MROH9: variants seen among roughly 807,000 people sequenced by gnomAD.
MROH9 encodes the protein maestro heat like repeat family member 9, also known as maestro heat-like repeat-containing protein family member 9.
A neutral mutation model predicts 98.2 loss-of-function variants in MROH9; 92 were observed. The ratio of observed to expected loss-of-function variants is 0.94; its 90% confidence interval spans 0.79 to 1.11. The LOEUF is 1.11. MROH9 is among the 50% of genes most tolerant of loss of function. MROH9 has a pLI of 0.00. For synonymous variants in MROH9, 397 were observed against 368.9 expected (o/e 1.08, Z -0.87); for missense variants, 1,057 against 1,014.8 (o/e 1.04, Z -0.57).
intron 20 of MROH9, among the ~76,000 whole-genome samples, chr1:171,026,011 C>T (rs554912004): frequency 5.9e-5 from 9 of 152,244 alleles, no homozygotes; most frequent in East Asian, 5.8e-4. Context: ...ACTTGGCAGT[C>T]GGATCTTCCC....
At chr1:170,965,374 G>A (rs1650194496) in intron 7 of MROH9, 119 bp downstream of exon 7, 3 of 627,620 alleles carry the variant, frequency 4.8e-6, no homozygotes, top group Non-Finnish European at 5.6e-6. Flanking sequence ...TGTACTGGTA[G>A]GTTGGTTGGG....
At chr1:171,013,647 G>A (rs1436292700) in intron 15 of MROH9, among the ~76,000 whole-genome samples, 1 of 152,094 alleles carries the variant, frequency 6.6e-6, no homozygotes, top group Non-Finnish European at 1.5e-5. Flanking sequence ...TATAGTATCA[G>A]TCTCTCTAGC....
intron 8 of MROH9, among the ~76,000 whole-genome samples, chr1:170,981,099 T>C (rs1285768247): frequency 6.6e-6 from 1 of 152,266 alleles, no homozygotes; most frequent in East Asian, 1.9e-4. Context: ...ATGGTGATTA[T>C]TCAAAAATCA....
At chr1:171,009,153 G>T (rs1301204151) in intron 15 of MROH9, among the ~76,000 whole-genome samples, 2 of 151,850 alleles carry the variant, frequency 1.3e-5, no homozygotes, top group Admixed American at 6.6e-5. Flanking sequence ...GGGTAGAATG[G>T]ATAGGGATGG....
At chr1:170,938,082 C>A (rs1648970253) in intron 1 of MROH9, among the ~76,000 whole-genome samples, 1 of 152,120 alleles carries the variant, frequency 6.6e-6, no homozygotes, top group South Asian at 2.1e-4. Context: ...GGAATAGTAG[C>A]CCAAGTTCTC....
At chr1:171,012,065 G>C (rs1652173624) in intron 15 of MROH9, among the ~76,000 whole-genome samples, 1 of 151,626 alleles carries the variant, frequency 6.6e-6, no homozygotes, top group African/African-American at 2.4e-5. Context: ...TCCAACTATA[G>C]TGTAAATATC....
At chr1:170,958,425 T>C in intron 3 of MROH9, 36 bp from the exon 4 acceptor site, 5 of 1,304,336 alleles carry the variant, frequency 3.8e-6, no homozygotes, top group South Asian at 2.7e-5. Context: ...AATCATTAAT[T>C]CTTCTTTTTT....
At chr1:171,059,841 G>C (rs891030941) in intron 20 of MROH9, among the ~76,000 whole-genome samples, 1 of 152,102 alleles carries the variant, frequency 6.6e-6, no homozygotes, top group African/African-American at 2.4e-5. Flanking sequence ...AGAACACATG[G>C]ACACAGGGAG....
intron 17 of MROH9, among the ~76,000 whole-genome samples, chr1:171,023,749 T>A (rs1403612602): frequency 2.0e-5 from 3 of 152,128 alleles, no homozygotes; most frequent in Non-Finnish European, 4.4e-5. Flanking sequence ...CTTTTTTGTG[T>A]GTGTGGTGAG....
chr1:170,955,750 T>A (rs1243665222), intron 3 of MROH9, among the ~76,000 whole-genome samples: 1 of 152,214 alleles, frequency 6.6e-6, no homozygotes, highest in Non-Finnish European at 1.5e-5. Context: ...GAAGATTTTC[T>A]CCCACTCTGT....
intron 12 of MROH9, among the ~76,000 whole-genome samples, chr1:170,993,851 T>C (rs1038552956): frequency 2.0e-5 from 3 of 152,190 alleles, no homozygotes; most frequent in African/African-American, 7.2e-5. Flanking sequence ...TTTTTATATG[T>C]TGAATTTTCT....
intron 8 of MROH9, among the ~76,000 whole-genome samples, chr1:170,972,201 T>G (rs1377945217): frequency 6.6e-6 from 1 of 152,124 alleles, no homozygotes; most frequent in South Asian, 2.1e-4. Flanking sequence ...AAAAATGCGG[T>G]ATTTTTTTCT....
chr1:171,026,210 C>A (rs113955151), intron 20 of MROH9, among the ~76,000 whole-genome samples: 1 of 151,396 alleles, frequency 6.6e-6, no homozygotes, highest in Admixed American at 6.6e-5. Flanking sequence ...CAGGCACGTG[C>A]GCGCACACAC....
chr1:170,957,958 G>A (rs976188699), intron 3 of MROH9, among the ~76,000 whole-genome samples: 6 of 151,990 alleles, frequency 3.9e-5, no homozygotes, highest in South Asian at 4.2e-4. Flanking sequence ...ACAGGCGCCC[G>A]CTACCACGCC....
rs71573033 is a variant in MROH9, at chr1:170,957,795, G to GT, written c.73-652dup. Among the ~76,000 whole-genome samples, 496 of 124,634 alleles carry GT rather than the reference G, an allele frequency of 4.0e-3. 3 individuals are homozygous for GT. Among genetic ancestry groups the GT allele is most frequent in the Admixed American group, 0.018 (213 of 12,038 alleles). The allele number at this position is 124,634 out of a possible 152,430, so 81.8% of individuals were successfully genotyped here. ...TAAGTTGCCCTGCTGGCATTTTTTT[G>GT]TTTTTTTTTTTTTTGTTTGTTTGTT... On this transcript the variant is annotated intron_variant, in intron 3 of 21. Coordinates refer to ENST00000367759, the MANE Select transcript of MROH9 (RefSeq NM_001163629.2).
chr1:171,039,440 C>A (rs1398281339), intron 20 of MROH9, among the ~76,000 whole-genome samples: 3 of 152,172 alleles, frequency 2.0e-5, no homozygotes, highest in Admixed American at 6.5e-5. Flanking sequence ...ATATCAGCTC[C>A]AAAATGTTTG....
intron 7 of MROH9, among the ~76,000 whole-genome samples, chr1:170,966,836 T>A (rs900866743): frequency 1.3e-5 from 2 of 152,064 alleles, no homozygotes; most frequent in African/African-American, 2.4e-5. Context: ...CATTGAAAAT[T>A]TTGCAAGTGA....
chr1:171,040,151 T>A (rs551091061), intron 20 of MROH9, among the ~76,000 whole-genome samples: 1 of 152,110 alleles, frequency 6.6e-6, no homozygotes, highest in African/African-American at 2.4e-5. Flanking sequence ...AAATCTTTTT[T>A]AAAAAGTCAA....
intron 15 of MROH9, among the ~76,000 whole-genome samples, chr1:171,000,896 A>G (rs1245783844): frequency 1.3e-5 from 2 of 151,674 alleles, no homozygotes; most frequent in Non-Finnish European, 2.9e-5. Flanking sequence ...GTAATTTTTT[A>G]ATTACCGTTT....
Sources: gnomAD v4.1 joint callset for allele counts (sites outside exome capture counted in the v4.1 genomes callset) on GRCh38, gnomAD v4.1.1 for gene constraint, MANE v1.5 for transcripts, NCBI Gene and HGNC (gene_info 2026-07-23, HGNC 2026-07-21) for gene names.